Variants in ATF7IP observed in about 807,000 individuals in gnomAD.
ATF7IP encodes activating transcription factor 7 interacting protein.
In ATF7IP, 23 loss-of-function variants were observed where a neutral mutation model predicts 106.4. The ratio of observed to expected loss-of-function variants is 0.22; its 90% CI spans 0.16 to 0.31. The LOEUF (loss-of-function observed/expected upper bound fraction) is 0.31. Ranked by LOEUF, ATF7IP falls within the 10% of genes least tolerant of loss-of-function variation. ATF7IP has a pLI of 1.00. For missense variants in ATF7IP, 1,334 were observed against 1,524.3 expected, an observed-to-expected ratio of 0.88 and a Z score of 2.08; for synonymous variants, 542 against 539.0, an observed-to-expected ratio of 1.01 and a Z score of -0.08.
chr12:14,459,020 A>G (rs116208542), intron 8 of ATF7IP, among the ~76,000 whole-genome samples: 2,704 of 152,266 alleles, frequency 0.018, 86 homozygotes, highest in African/African-American at 0.062. Flanking sequence ...TTAAGGATTT[A>G]GGGAGCTGTC....
In ATF7IP at chr12:14,404,559, C is replaced by A. The variant is rs373886356; in HGVS notation, c.-7-19350C>A. 5.9e-5 allele frequency among the ~76,000 whole-genome samples: 9 copies of A among 152,206 alleles called. No individual in the cohort carries two copies. The South Asian group carries it at 1.4e-3, about 25-fold the overall frequency. On this transcript the variant is annotated intron_variant, in intron 1 of 14. Coordinates refer to ENST00000261168, the MANE Select transcript of ATF7IP (RefSeq NM_018179.5). ...TTCACATGGAAAGCTTTAGACCTAA[C>A]GATGTTAAATGATTTGCCTAAGATC... is the stretch of plus-strand genomic sequence containing the variant.
intron 10 of ATF7IP, among the ~76,000 whole-genome samples, chr12:14,473,741 T>C (rs1343503275): frequency 6.6e-6 from 1 of 151,952 alleles, no homozygotes; most frequent in Non-Finnish European, 1.5e-5. Context: ...ATCTAAAAAA[T>C]GTACTTTTGT....
rs575510096 is a variant in ATF7IP at position 14,468,685 on chromosome 12, TAAC to T, written c.2862+2098_2862+2100del. The stretch of plus-strand genomic sequence containing the variant: ...TGCTGAAGCAATGCCTTATCAAAAA[TAAC>T]AAAGTTTCAGTTTTGAATCAGTGTC... On this transcript the variant is annotated intron_variant, in intron 10 of 14. Coordinates refer to ENST00000261168, the MANE Select transcript of ATF7IP (RefSeq NM_018179.5). Among the ~76,000 whole-genome samples, 48 of 152,280 alleles carry T rather than the reference TAAC, an allele frequency of 3.2e-4. 1 individual carries two copies. Among genetic ancestry groups the T allele is most frequent in the South Asian group, 3.1e-3 (15 of 4,832 alleles).
chr12:14,367,401 A>AT (rs1938352668), intron 1 of ATF7IP: 1 of 152,062 alleles, frequency 6.6e-6, no homozygotes, highest in Admixed American at 6.5e-5. Context: ...GACCTGATGT[A>AT]ATTCTTGGAT....
At chr12:14,496,019 A>AT (rs1459075559) in intron 13 of ATF7IP, among the ~76,000 whole-genome samples, 3 of 151,548 alleles carry the variant, frequency 2.0e-5, no homozygotes, top group South Asian at 2.1e-4. Flanking sequence ...GGTAGTTAGA[A>AT]TTTTTTTTTA....
chr12:14,490,986 G>A (rs1944798398), intron 13 of ATF7IP, among the ~76,000 whole-genome samples: 1 of 152,144 alleles, frequency 6.6e-6, no homozygotes. Context: ...CTCAAAAGGA[G>A]AGTAGTTACC....
At position 14,423,938 on chromosome 12, in the gene ATF7IP, A is replaced by C. The variant is rs1323399619; in HGVS notation, c.23A>C (p.Gln8Pro). MDSLEEP[Q>P]KKVFKARKTM... ...AGAATGGACAGTTTAGAAGAACCTC[A>C]GAAAAAAGTCTTTAAGGCTCGAAAA... Residue 8 changes from glutamine (Q) to proline (P), a missense_variant, in exon 2 of 15, where the codon CAG becomes CCG. Coordinates refer to ENST00000261168, the MANE Select transcript of ATF7IP (RefSeq NM_018179.5). The C allele has an allele frequency of 1.2e-6, 2 of 1,604,994 alleles. No individual in the cohort carries two copies. The highest frequency in any genetic ancestry group is 1.7e-6 in the Non-Finnish European group (2 of 1,176,932).
At chr12:14,442,249 A>G (rs1942746638) in intron 5 of ATF7IP, among the ~76,000 whole-genome samples, 1 of 152,154 alleles carries the variant, frequency 6.6e-6, no homozygotes, top group African/African-American at 2.4e-5. Context: ...TTAGGTTTCA[A>G]TTAATATCTA....
At chr12:14,371,726 A>G (rs1036079006) in intron 1 of ATF7IP, among the ~76,000 whole-genome samples, 2 of 152,260 alleles carry the variant, frequency 1.3e-5, no homozygotes, top group South Asian at 4.1e-4. Flanking sequence ...TGATGATTTT[A>G]TTAATGATTC....
At chr12:14,444,112 T>C (rs1267997833) in intron 5 of ATF7IP, among the ~76,000 whole-genome samples, 1 of 152,186 alleles carries the variant, frequency 6.6e-6, no homozygotes, top group African/African-American at 2.4e-5. Context: ...CTAGATTTCT[T>C]ACAGAAATGG....
At chr12:14,449,109 G>A (rs953454548) in intron 6 of ATF7IP, among the ~76,000 whole-genome samples, 5 of 151,740 alleles carry the variant, frequency 3.3e-5, no homozygotes, top group African/African-American at 1.2e-4. Flanking sequence ...CTTTTCTCTC[G>A]ATTGTTTCCT....
Position 14,501,153 on chromosome 12 carries a change from C to G in ATF7IP, c.*3080C>G, listed in dbSNP as rs1305766850. 1 of 152,158 alleles carries G rather than the reference C, an allele frequency of 6.6e-6. No homozygotes were observed. Among genetic ancestry groups the G allele is most frequent in the Non-Finnish European group, 1.5e-5 (1 of 68,008 alleles). The allele number at this position is 152,158 out of a possible 1,614,324, so 9.4% of individuals were successfully genotyped here. A position where few individuals can be genotyped will look rare whatever the true frequency, so the allele number is the denominator to read the frequency against. Reference sequence around the variant, plus strand: ...CTTAAGTAGAAGTAGCTACTGATAACAGACTTTCTAGTAGCAGTTTCCACT... The same window carrying G: ...CTTAAGTAGAAGTAGCTACTGATAAGAGACTTTCTAGTAGCAGTTTCCACT... On this transcript the variant is annotated 3_prime_UTR_variant, in exon 15 of 15. Transcript: ENST00000261168.
chr12:14,434,629 CT>C (rs1942312237), intron 3 of ATF7IP, among the ~76,000 whole-genome samples: 1 of 152,130 alleles, frequency 6.6e-6, no homozygotes, highest in Non-Finnish European at 1.5e-5. Context: ...TTTATTTATA[CT>C]TTTTATTGTT....
At chr12:14,422,623 G>A (rs1941595892) in intron 1 of ATF7IP, among the ~76,000 whole-genome samples, 1 of 152,054 alleles carries the variant, frequency 6.6e-6, no homozygotes, top group African/African-American at 2.4e-5. Context: ...TGCCTACTCT[G>A]GACATTTCAT....
At chr12:14,374,132 C>CT (rs760899892) in intron 1 of ATF7IP, among the ~76,000 whole-genome samples, 7 of 149,668 alleles carry the variant, frequency 4.7e-5, no homozygotes, top group Non-Finnish European at 1.0e-4. Context: ...GGGTCTCACT[C>CT]TGTCACTCCA....
chr12:14,489,969 A>G (rs2136850252), intron 13 of ATF7IP, among the ~76,000 whole-genome samples: 2 of 152,338 alleles, frequency 1.3e-5, no homozygotes, highest in Middle Eastern at 6.8e-3. Flanking sequence ...GAAGAGGTCC[A>G]ATATAATTAA....
intron 13 of ATF7IP, among the ~76,000 whole-genome samples, chr12:14,489,170 C>T (rs1944726084): frequency 6.6e-6 from 1 of 152,122 alleles, no homozygotes; most frequent in South Asian, 2.1e-4. Flanking sequence ...TCCTGTTGAC[C>T]TCAATCACAG....
chr12:14,416,817 C>G (rs990170252), intron 1 of ATF7IP: 10 of 690,740 alleles, frequency 1.4e-5, no homozygotes, highest in Non-Finnish European at 1.8e-5. Context: ...TAGACTATTT[C>G]GGCTTTGAGC....
At chr12:14,395,887 AT>A (rs1363966115) in intron 1 of ATF7IP, among the ~76,000 whole-genome samples, 2 of 152,112 alleles carry the variant, frequency 1.3e-5, no homozygotes, top group Non-Finnish European at 2.9e-5. Context: ...ATTCCACTAA[AT>A]TTCATATTTC....
Sources: gnomAD v4.1 joint callset for allele counts (sites outside exome capture counted in the v4.1 genomes callset) on GRCh38, gnomAD v4.1.1 for gene constraint, MANE v1.5 for transcripts, NCBI Gene and HGNC (gene_info 2026-07-23, HGNC 2026-07-21) for gene names.